The following CHRDL2 variants were observed in gnomAD, a reference collection of about 807,000 sequenced individuals.
CHRDL2 encodes the protein chordin like 2, also known as chordin-like protein 2.
A neutral mutation model predicts 54.3 loss-of-function variants in CHRDL2; 41 were observed. That is an observed-to-expected ratio of 0.76 (90% confidence interval 0.59 to 0.98). The LOEUF is 0.98. CHRDL2 is among the 50% of genes least tolerant of loss of function. The pLI, the probability that CHRDL2 is intolerant of heterozygous loss-of-function variation, is 0.00. For synonymous variants in CHRDL2, 220 were observed against 224.3 expected (o/e 0.98, Z 0.17); for missense variants, 518 against 562.4 (o/e 0.92, Z 0.80).
At chr11:74,719,435 C>G (rs1052503131) in intron 1 of CHRDL2, 1 of 142,544 alleles carries the variant, frequency 7.0e-6, no homozygotes, top group African/African-American at 2.6e-5. Context: ...TGTACACATT[C>G]TCTGGGTCCT....
chr11:74,709,321 G>C (rs1393523298), intron 4 of CHRDL2, among the ~76,000 whole-genome samples: 3 of 152,228 alleles, frequency 2.0e-5, no homozygotes, highest in Non-Finnish European at 4.4e-5. Flanking sequence ...ACAGGGAAAA[G>C]AACATTGGCT....
intron 2 of CHRDL2, among the ~76,000 whole-genome samples, chr11:74,714,527 G>C (rs1323132746): frequency 6.6e-6 from 1 of 152,218 alleles, no homozygotes; most frequent in Non-Finnish European, 1.5e-5. Context: ...CCCCATGGAA[G>C]ACCCTTGACT....
intron 2 of CHRDL2, among the ~76,000 whole-genome samples, chr11:74,717,243 G>GTGA (rs2034386029): frequency 6.6e-6 from 1 of 152,212 alleles, no homozygotes; most frequent in Non-Finnish European, 1.5e-5. Flanking sequence ...AGGGGGAGCA[G>GTGA]TGATGGTGGA....
chr11:74,703,891 G>C (rs2033918618), intron 7 of CHRDL2, among the ~76,000 whole-genome samples: 1 of 152,160 alleles, frequency 6.6e-6, no homozygotes. Context: ...ACAAGGCAGG[G>C]CCAGGACTCA....
chr11:74,703,103 T>C (rs2033884167), intron 8 of CHRDL2, 136 bp from the exon 9 acceptor site: 1 of 1,053,724 alleles, frequency 9.5e-7, no homozygotes, highest in Non-Finnish European at 1.4e-6. Context: ...CTGAATCTAT[T>C]ATCCTGACAC....
Position 74,724,905 on chromosome 11 carries a change from G to A in CHRDL2, c.82+5902C>T, listed in dbSNP as rs540276244. 1.8e-4 allele frequency among the ~76,000 whole-genome samples: 28 copies of A among 152,240 alleles called. No individual in the cohort carries two copies. In the East Asian group the frequency reaches 3.7e-3, roughly 20 times the overall value. The stretch of plus-strand genomic sequence containing the variant: ...TACATAGAGTTCGTGCCTGATGAAC[G>A]AAATCAATGATGAAAGAACAGAGTT... On this transcript the variant is annotated intron_variant, in intron 1 of 10. Coordinates refer to ENST00000376332, the MANE Select transcript of CHRDL2 (RefSeq NM_001278473.3).
At chr11:74,720,878 G>C (rs2034486849) in intron 1 of CHRDL2, among the ~76,000 whole-genome samples, 1 of 152,304 alleles carries the variant, frequency 6.6e-6, no homozygotes, top group Middle Eastern at 3.4e-3. Flanking sequence ...GCTGGAGTTG[G>C]CCTCTCTCGG....
At chr11:74,727,373 C>G (rs1051322156) in intron 1 of CHRDL2, among the ~76,000 whole-genome samples, 4 of 152,058 alleles carry the variant, frequency 2.6e-5, no homozygotes, top group African/African-American at 9.7e-5. Flanking sequence ...CTTCGATTCC[C>G]ATAATAAACA....
chr11:74,727,646 C>T (rs1372193578), intron 1 of CHRDL2, among the ~76,000 whole-genome samples: 3 of 152,112 alleles, frequency 2.0e-5, no homozygotes, highest in Non-Finnish European at 4.4e-5. Context: ...CTCAAGTAAT[C>T]CATCCACCTC....
chr11:74,730,290 G>C (rs2034631665), intron 1 of CHRDL2, among the ~76,000 whole-genome samples: 1 of 152,166 alleles, frequency 6.6e-6, no homozygotes, highest in African/African-American at 2.4e-5. Context: ...TACCCGCTCT[G>C]TAAGTTTTAG....
At chr11:74,705,131 G>A (rs1265114255) in intron 6 of CHRDL2, among the ~76,000 whole-genome samples, 4 of 152,204 alleles carry the variant, frequency 2.6e-5, no homozygotes, top group South Asian at 4.2e-4. Flanking sequence ...CCCATGGGGC[G>A]TGAAGACCAA....
intron 9 of CHRDL2, chr11:74,699,587 G>C (rs1214706486): frequency 6.6e-6 from 1 of 152,278 alleles, no homozygotes; most frequent in Non-Finnish European, 1.5e-5. Context: ...CTGCAGGGGG[G>C]CTTCCTTCCT....
At chr11:74,709,352 G>A (rs985862988) in intron 4 of CHRDL2, among the ~76,000 whole-genome samples, 1 of 152,206 alleles carries the variant, frequency 6.6e-6, no homozygotes, top group African/African-American at 2.4e-5. Flanking sequence ...GTGGCCTTGG[G>A]TCTGAATTCT....
intron 4 of CHRDL2, among the ~76,000 whole-genome samples, chr11:74,710,606 C>G (rs1316572375): frequency 6.6e-6 from 1 of 151,272 alleles, no homozygotes; most frequent in Admixed American, 6.6e-5. Context: ...GTTTCCTCCC[C>G]TCAAGGAATG....
At chr11:74,707,933 A>G (rs2034062670) in intron 5 of CHRDL2, among the ~76,000 whole-genome samples, 1 of 152,066 alleles carries the variant, frequency 6.6e-6, no homozygotes, top group South Asian at 2.1e-4. Context: ...ACACATTCTT[A>G]CTGCTTCCTC....
chr11:74,725,259 G>C (rs2034556156), intron 1 of CHRDL2, among the ~76,000 whole-genome samples: 1 of 152,214 alleles, frequency 6.6e-6, no homozygotes, highest in Non-Finnish European at 1.5e-5. Flanking sequence ...CCAAAGGGCT[G>C]GGATTACAGG....
intron 2 of CHRDL2, among the ~76,000 whole-genome samples, chr11:74,717,803 T>C (rs1478134570): frequency 6.6e-6 from 1 of 152,020 alleles, no homozygotes; most frequent in East Asian, 1.9e-4. Flanking sequence ...GGGAGCTAGC[T>C]ACCCCTCCCT....
intron 9 of CHRDL2, among the ~76,000 whole-genome samples, chr11:74,699,929 C>G (rs942582792): frequency 2.0e-5 from 3 of 152,222 alleles, no homozygotes; most frequent in Non-Finnish European, 4.4e-5. Context: ...GACAGGATGG[C>G]AGGGCCTGGC....
chr11:74,706,099 G>C (rs1359568784), intron 6 of CHRDL2, among the ~76,000 whole-genome samples: 1 of 152,104 alleles, frequency 6.6e-6, no homozygotes, highest in Non-Finnish European at 1.5e-5. Context: ...TAAAGAGCCA[G>C]TACCTCAGGA....
Sources: gnomAD v4.1 joint callset for allele counts (sites outside exome capture counted in the v4.1 genomes callset) on GRCh38, gnomAD v4.1.1 for gene constraint, MANE v1.5 for transcripts, NCBI Gene and HGNC (gene_info 2026-07-23, HGNC 2026-07-21) for gene names.